Variants in PCDH15 observed in about 807,000 individuals in gnomAD.
PCDH15 encodes the protein protocadherin-15.
Under a neutral mutation model 178.5 loss-of-function variants are expected in PCDH15, and 129 were observed. The observed-to-expected ratio is 0.72, with a 90% CI of 0.63 to 0.84. PCDH15 has a LOEUF of 0.84. Among genes scored for constraint, PCDH15 ranks in the 40% least tolerant of loss-of-function variants. The pLI is 0.00. For missense variants in PCDH15, 2,230 were observed against 2,099.9 expected (o/e 1.06, Z -1.21); for synonymous variants, 800 against 732.0 (o/e 1.09, Z -1.50).
chr10:53,806,631 T>G lies in PCDH15; in HGVS notation c.5171A>C (p.Glu1724Ala). 1 of 1,613,778 alleles carries G rather than the reference T, an allele frequency of 6.2e-7. No homozygotes were observed. Among genetic ancestry groups the G allele is most frequent in the Non-Finnish European group, 8.5e-7 (1 of 1,179,758 alleles). The change falls in exon 38 of 38, where the codon GAG becomes GCG. Residue 1724 changes from glutamate to alanine, a missense_variant. Physicochemically the swap from Glu to Ala is moderately radical, Grantham distance 107. Transcript: ENST00000644397. Reference protein sequence around the residue: ...HSDHTQSDDEELWMGPWNNLH... With the variant: ...HSDHTQSDDEALWMGPWNNLH... ...GTTGTTCCAGGGGCCCATCCAAAGC[T>G]CTTCATCATCAGACTGTGTGTGGTC...
chr10:54,411,806 T>C (rs1159128185), intron 3 of PCDH15, among the ~76,000 whole-genome samples: 2 of 152,134 alleles, frequency 1.3e-5, no homozygotes, highest in African/African-American at 2.4e-5. Context: ...CTTAGTTGAA[T>C]TGATACAACT....
intron 1 of PCDH15, among the ~76,000 whole-genome samples, chr10:55,241,479 G>A (rs1841540185): frequency 6.6e-6 from 1 of 152,008 alleles, no homozygotes; most frequent in Non-Finnish European, 1.5e-5. Context: ...GAGTGCAGTG[G>A]TGTAAATGCA....
intron 18 of PCDH15, among the ~76,000 whole-genome samples, chr10:54,063,501 T>G: frequency 6.6e-6 from 1 of 152,214 alleles, no homozygotes; most frequent in Non-Finnish European, 1.5e-5. Context: ...TGCATGTCCC[T>G]CAGAGCATTT....
At chr10:55,100,793 G>T (rs1364804032) in intron 2 of PCDH15, among the ~76,000 whole-genome samples, 3 of 152,106 alleles carry the variant, frequency 2.0e-5, no homozygotes, top group Non-Finnish European at 4.4e-5. Flanking sequence ...CAACAGTGAG[G>T]ATCAAATTTT....
At chr10:55,474,133 T>C (rs1840017649) in intron 2 of PCDH15, among the ~76,000 whole-genome samples, 1 of 152,120 alleles carries the variant, frequency 6.6e-6, no homozygotes, top group Non-Finnish European at 1.5e-5. Flanking sequence ...ATTAACAAAA[T>C]TCAAGATCAG....
chr10:54,790,616 T>C (rs968034138), intron 1 of PCDH15, among the ~76,000 whole-genome samples: 2 of 151,836 alleles, frequency 1.3e-5, no homozygotes, highest in African/African-American at 4.8e-5. Context: ...TTGCAGATCA[T>C]TCCCCTGGCC....
rs79325370 is a variant in PCDH15 at position 55,460,508 on chromosome 10, C to A, written c.-156+167117G>T. Among the ~76,000 whole-genome samples, 716 of 152,158 alleles carry A rather than the reference C, an allele frequency of 4.7e-3. 7 individuals carry two copies. Among genetic ancestry groups the A allele is most frequent in the African/African-American group, 0.016 (682 of 41,526 alleles). ...TCTACATCTAATCTGCTGTTTATCC[C>A]AGTCTGTATATTTTTCACCGGACGC... On this transcript the variant is annotated intron_variant, in intron 2 of 5. Transcript: ENST00000613346.
intron 14 of PCDH15, among the ~76,000 whole-genome samples, chr10:54,146,635 TCA>T (rs2043931453): frequency 6.6e-6 from 1 of 151,664 alleles, no homozygotes; most frequent in Non-Finnish European, 1.5e-5. Flanking sequence ...ATTCCTTCTC[TCA>T]CTCTCTGAAT....
intron 2 of PCDH15, among the ~76,000 whole-genome samples, chr10:54,658,368 A>T (rs2094442017): frequency 6.6e-6 from 1 of 152,152 alleles, no homozygotes; most frequent in Admixed American, 6.5e-5. Context: ...AAAGAAAAAA[A>T]TCTTAAACAG....
intron 2 of PCDH15, among the ~76,000 whole-genome samples, chr10:55,498,046 G>A (rs1840575115): frequency 6.6e-6 from 1 of 151,768 alleles, no homozygotes. Flanking sequence ...TGCTTTTGAA[G>A]AATAAAATGG....
At chr10:54,026,803 G>A (rs1168845824) in intron 18 of PCDH15, among the ~76,000 whole-genome samples, 1 of 152,096 alleles carries the variant, frequency 6.6e-6, no homozygotes, top group Admixed American at 6.6e-5. Flanking sequence ...AATAATAAGA[G>A]CTATCTATGA....
At chr10:54,245,392 A>T (rs558550363) in intron 8 of PCDH15, among the ~76,000 whole-genome samples, 27 of 152,290 alleles carry the variant, frequency 1.8e-4, no homozygotes, top group Admixed American at 3.3e-4. Context: ...TGGATTTTTA[A>T]TAAAGAATGA....
At chr10:54,457,616 A>C (rs1010773181) in intron 3 of PCDH15, among the ~76,000 whole-genome samples, 1 of 152,176 alleles carries the variant, frequency 6.6e-6, no homozygotes, top group Admixed American at 6.6e-5. Context: ...ATGAAAGCTA[A>C]TTTGCAATAT....
intron 28 of PCDH15, among the ~76,000 whole-genome samples, chr10:53,855,190 A>C (rs1056545802): frequency 2.0e-5 from 3 of 152,062 alleles, no homozygotes; most frequent in African/African-American, 7.2e-5. Flanking sequence ...TTCTAGTGGA[A>C]ATTGACTATA....
intron 2 of PCDH15, among the ~76,000 whole-genome samples, chr10:55,121,687 T>C (rs1420469724): frequency 6.6e-6 from 1 of 152,122 alleles, no homozygotes; most frequent in Non-Finnish European, 1.5e-5. Context: ...TATTGCCTTA[T>C]AAAAGGACTG....
chr10:55,353,874 A>T (rs1348067589), intron 2 of PCDH15, among the ~76,000 whole-genome samples: 3 of 151,966 alleles, frequency 2.0e-5, no homozygotes. Context: ...TGGATAAATG[A>T]TTTCCTTTCT....
rs183703371 is a variant in PCDH15, at chr10:54,789,974, G to A, written c.-29+10951C>T. On this transcript the variant is annotated intron_variant, in intron 1 of 37. Coordinates refer to ENST00000644397, the MANE Select transcript of PCDH15 (RefSeq NM_001384140.1). ...CTATCAAATTGACTGGAGAAAATAC[G>A]ACAAACTTAACAAATAAGGGTAGCA... Among the ~76,000 whole-genome samples, 683 of 151,882 alleles carry A rather than the reference G, an allele frequency of 4.5e-3. 4 individuals are homozygous for A. The highest frequency in any genetic ancestry group is 0.014 in the Middle Eastern group (4 of 294).
chr10:55,476,766 A>C (rs1248045258), intron 2 of PCDH15, among the ~76,000 whole-genome samples: 1 of 152,010 alleles, frequency 6.6e-6, no homozygotes, highest in Non-Finnish European at 1.5e-5. Context: ...AATCTGTAGG[A>C]TTTTCCTTCC....
intron 27 of PCDH15, among the ~76,000 whole-genome samples, chr10:53,861,369 C>T (rs1348037186): frequency 6.6e-6 from 1 of 151,944 alleles, no homozygotes; most frequent in Admixed American, 6.6e-5. Flanking sequence ...ATTCAAATTA[C>T]TAGGTATTGT....
Sources: gnomAD v4.1 joint callset for allele counts (sites outside exome capture counted in the v4.1 genomes callset) on GRCh38, gnomAD v4.1.1 for gene constraint, MANE v1.5 for transcripts, NCBI Gene and HGNC (gene_info 2026-07-23, HGNC 2026-07-21) for gene names.